Variants in ZNF280D observed in about 807,000 individuals in gnomAD.
ZNF280D encodes suppressor of hairy wing homolog 4.
ZNF280D carries 39 observed loss-of-function variants against 94.7 expected under a neutral mutation model. The ratio of observed to expected loss-of-function variants is 0.41; its 90% CI spans 0.32 to 0.54. ZNF280D has a LOEUF of 0.54. Among genes scored for constraint, ZNF280D ranks in the 20% least tolerant of loss-of-function variants. The pLI is 0.22. For synonymous variants in ZNF280D, 398 were observed against 377.6 expected (o/e 1.05, Z -0.63); for missense variants, 1,090 against 1,149.3 (o/e 0.95, Z 0.75).
In ZNF280D at chr15:56,701,202, C is replaced by T; in HGVS notation, c.212G>A (p.Arg71Lys). 2 of 1,587,830 alleles carry T rather than the reference C, an allele frequency of 1.3e-6. No individual in the cohort carries two copies. Among genetic ancestry groups the T allele is most frequent in the Non-Finnish European group, 1.7e-6 (2 of 1,166,128 alleles). ...LNRVNPSSYSRGLKNGALSRG... is the reference protein window; with the variant it reads ...LNRVNPSSYSKGLKNGALSRG... ...ACTGAGTGCACCATTCTTTAGTCCC[C>T]TTGAATATGAGCTGGGGTTAACTCT... The change falls in exon 5 of 22, where the codon AGG becomes AAG. Residue 71 changes from arginine to lysine, a missense_variant. Coordinates refer to ENST00000267807, the MANE Select transcript of ZNF280D (RefSeq NM_017661.4).
chr15:56,672,788 T>C (rs140842876), intron 13 of ZNF280D, among the ~76,000 whole-genome samples: 2 of 152,146 alleles, frequency 1.3e-5, no homozygotes, highest in African/African-American at 4.8e-5. Context: ...AAGTTCTTTA[T>C]AAAATTCAAA....
At chr15:56,709,090 A>C (rs1199035958) in intron 1 of ZNF280D, among the ~76,000 whole-genome samples, 2 of 152,150 alleles carry the variant, frequency 1.3e-5, no homozygotes, top group African/African-American at 4.8e-5. Flanking sequence ...ATTGGGAGAA[A>C]ATTTTTGCAA....
intron 19 of ZNF280D, among the ~76,000 whole-genome samples, chr15:56,645,576 C>T (rs1174553627): frequency 6.6e-6 from 1 of 152,038 alleles, no homozygotes; most frequent in South Asian, 2.1e-4. Flanking sequence ...GACGGAGTTT[C>T]GTTCTTGTTG....
rs559070926 is a variant in ZNF280D, at chr15:56,689,419, T to C, written c.551A>G (p.Asn184Ser). The C allele has an allele frequency of 7.5e-6, 12 of 1,591,702 alleles. No homozygotes were observed. The highest frequency in any genetic ancestry group is 3.5e-5 in the South Asian group (3 of 85,584). Residue 184 changes from asparagine (N) to serine (S), a missense_variant, in exon 8 of 22, where the codon AAT becomes AGT. By Grantham distance (46) the Asn-to-Ser change is conservative (BLOSUM62 1). Coordinates refer to ENST00000267807, the MANE Select transcript of ZNF280D (RefSeq NM_017661.4). ...TTTAGGCTTCTTTGGATTAACATTATTTACTTCAGAAGTAGAAGGACGTTT... is the reference window on the plus strand; with the variant it reads ...TTTAGGCTTCTTTGGATTAACATTACTTACTTCAGAAGTAGAAGGACGTTT... ...LSKRPSTSEV[N>S]NVNPKKPKPS...
rs1334422055 is a variant in ZNF280D, at chr15:56,666,905, G to C, written c.1627C>G (p.Gln543Glu). Residue 543 changes from glutamine to glutamate, a missense_variant, in exon 15 of 22, where the codon CAG becomes GAG. This residue lies in a region of ZNF280D where 577 missense variants were observed against 568.8 expected (regional missense o/e 1.01). Transcript: ENST00000267807. ...PSISASASTLQLSPPRTKNIT... is the reference protein window; with the variant it reads ...PSISASASTLELSPPRTKNIT... ...TTTTTAGTCCTTGGAGGTGAGAGCT[G>C]AAGGGTAGAAGCACTTGCACTAATG... is the stretch of plus-strand genomic sequence containing the variant. The C allele has an allele frequency of 6.2e-7, 1 of 1,613,698 alleles. No homozygotes were observed. Among genetic ancestry groups the C allele is most frequent in the East Asian group, 2.2e-5 (1 of 44,812 alleles).
chr15:56,729,885 G>A (rs2058803154), intron 1 of ZNF280D: 1 of 152,290 alleles, frequency 6.6e-6, no homozygotes, highest in South Asian at 2.1e-4. Context: ...GCGTTCAAAT[G>A]TGATGTATAT....
At chr15:56,652,993 A>G (rs1272405712) in intron 19 of ZNF280D, 1 of 926,298 alleles carries the variant, frequency 1.1e-6, no homozygotes, top group Non-Finnish European at 1.3e-6. Context: ...AATTTTGAGA[A>G]CATAAAACCA....
intron 13 of ZNF280D, 130 bp from the exon 14 acceptor site, chr15:56,669,087 C>A: frequency 1.3e-6 from 1 of 773,308 alleles, no homozygotes; most frequent in Non-Finnish European, 2.0e-6. Context: ...CATCTCCTAT[C>A]ATAATAATAT....
Position 56,676,218 on chromosome 15 carries a change from A to G in ZNF280D, c.1410+452T>C, listed in dbSNP as rs530657291. 5.8e-4 allele frequency among the ~76,000 whole-genome samples: 89 copies of G among 152,234 alleles called. 2 individuals carry two copies. Among genetic ancestry groups the G allele is most frequent in the Admixed American group, 4.7e-3 (72 of 15,266 alleles). On this transcript the variant is annotated intron_variant, in intron 13 of 21. Coordinates refer to ENST00000267807, the MANE Select transcript of ZNF280D (RefSeq NM_017661.4). ...GGTCAATGACAACATGTCTTCTCAT[A>G]ATGATAAGGGGTTAGAAAGTTGAAA...
intron 19 of ZNF280D, among the ~76,000 whole-genome samples, chr15:56,649,089 T>G (rs1027234997): frequency 1.3e-5 from 2 of 152,108 alleles, no homozygotes; most frequent in Non-Finnish European, 1.5e-5. Flanking sequence ...AAAATATTCA[T>G]GTGTAAAAAC....
At chr15:56,665,698 C>T (rs537077930) in intron 16 of ZNF280D, among the ~76,000 whole-genome samples, 6 of 34,058 alleles carry the variant, frequency 1.8e-4, no homozygotes, top group Non-Finnish European at 3.1e-4. Flanking sequence ...AGCGAGACTC[C>T]GTCTCAAAAA....
At chr15:56,710,814 G>A (rs1174944724) in intron 1 of ZNF280D, among the ~76,000 whole-genome samples, 1 of 151,956 alleles carries the variant, frequency 6.6e-6, no homozygotes, top group Non-Finnish European at 1.5e-5. Flanking sequence ...CACATACTAT[G>A]GACACAGGTG....
chr15:56,636,159 G>A (rs954304664), intron 20 of ZNF280D, among the ~76,000 whole-genome samples: 3 of 152,090 alleles, frequency 2.0e-5, no homozygotes, highest in African/African-American at 7.2e-5. Flanking sequence ...TAAAGATGAA[G>A]AAAACACCAA....
Position 56,631,629 on chromosome 15 carries a change from T to C in ZNF280D, c.2809A>G (p.Lys937Glu). Residue 937 changes from lysine to glutamate, a missense_variant, in exon 22 of 22, where the codon AAA (lysine) becomes GAA (glutamate). Around this residue, in one of 3 missense-constraint regions of ZNF280D, gnomAD observed 577 missense variants for 568.8 expected, o/e 1.01. Transcript: ENST00000267807. ...TTGGCTGAAGGATCACCACTACCTT[T>C]CTGAAGAATCTCTGTGGCTTCATAC... ...LEYEATEILQ[K>E]GSGDPSAKTD... The C allele has an allele frequency of 6.2e-7, 1 of 1,614,172 alleles. No individual in the cohort carries two copies. Among genetic ancestry groups the C allele is most frequent in the African/African-American group, 1.3e-5 (1 of 75,052 alleles).
chr15:56,721,494 T>C (rs1417502030), intron 1 of ZNF280D, among the ~76,000 whole-genome samples: 1 of 152,238 alleles, frequency 6.6e-6, no homozygotes, highest in Non-Finnish European at 1.5e-5. Context: ...AATCTATTGT[T>C]TAGTGTAGCC....
At chr15:56,679,314 T>G (rs1337696973) in intron 10 of ZNF280D, among the ~76,000 whole-genome samples, 3 of 152,208 alleles carry the variant, frequency 2.0e-5, no homozygotes, top group Non-Finnish European at 4.4e-5. Flanking sequence ...AAATATACAA[T>G]AGATTCCAGC....
At chr15:56,674,720 T>C (rs1034347096) in intron 13 of ZNF280D, among the ~76,000 whole-genome samples, 3 of 152,084 alleles carry the variant, frequency 2.0e-5, no homozygotes, top group African/African-American at 7.2e-5. Context: ...TGCCATAAGG[T>C]AAGTAATTAG....
chr15:56,732,525 C>A (rs1321980036), intron 1 of ZNF280D: 2 of 152,072 alleles, frequency 1.3e-5, no homozygotes, highest in Non-Finnish European at 2.9e-5. Context: ...TTCTAGCGTT[C>A]CATTTTATGT....
chr15:56,733,206 C>T (rs1184077855), intron 1 of ZNF280D, among the ~76,000 whole-genome samples: 1 of 152,186 alleles, frequency 6.6e-6, no homozygotes, highest in African/African-American at 2.4e-5. Context: ...CCTGCGCGGC[C>T]CAGGCCTGCA....
Sources: gnomAD v4.1 joint callset for allele counts (sites outside exome capture counted in the v4.1 genomes callset) on GRCh38, gnomAD v4.1.1 for gene constraint, gnomAD v4.1.1 regional missense constraint, MANE v1.5 for transcripts, NCBI Gene and HGNC (gene_info 2026-07-23, HGNC 2026-07-21) for gene names.